The following HMCN1 variants were observed in gnomAD, a reference collection of about 807,000 sequenced individuals.
HMCN1 encodes hemicentin 1, also known as hemicentin-1.
In HMCN1, 321 loss-of-function variants were observed where a neutral mutation model predicts 625.9. The ratio of observed to expected loss-of-function variants is 0.51; its 90% CI spans 0.47 to 0.56. HMCN1 has a LOEUF of 0.56. Among genes scored for constraint, HMCN1 ranks in the 20% least tolerant of loss-of-function variants. The pLI is 0.00. For missense variants in HMCN1, 6,588 were observed against 6,887.3 expected (o/e 0.96, Z 1.54); for synonymous variants, 2,425 against 2,417.6 (o/e 1.00, Z -0.09).
At chr1:185,825,265 T>C (rs1660445259) in intron 1 of HMCN1, among the ~76,000 whole-genome samples, 1 of 152,144 alleles carries the variant, frequency 6.6e-6, no homozygotes, top group African/African-American at 2.4e-5. Context: ...ACTAATAATG[T>C]AGAAGTAGTA....
intron 1 of HMCN1, among the ~76,000 whole-genome samples, chr1:185,829,650 G>A (rs1470533338): frequency 6.6e-6 from 1 of 152,080 alleles, no homozygotes. Context: ...TCTTTATCCA[G>A]TCTATCATTG....
chr1:186,172,149 T>G lies in HMCN1; in HGVS notation c.15814+18T>G. 2 of 1,613,354 alleles carry G rather than the reference T, an allele frequency of 1.2e-6. No individual in the cohort carries two copies. Among genetic ancestry groups the G allele is most frequent in the Non-Finnish European group, 1.7e-6 (2 of 1,179,416 alleles). ...CTGTATTGGTGAGTGTCTGGCTGTT[T>G]CCGTGACTGAGATCAGTTTGCCGTC... On this transcript the variant is annotated intron_variant, in intron 102 of 106. Transcript: ENST00000271588.
At chr1:185,801,815 G>C (rs548177692) in intron 1 of HMCN1, among the ~76,000 whole-genome samples, 1 of 152,164 alleles carries the variant, frequency 6.6e-6, no homozygotes, top group East Asian at 1.9e-4. Flanking sequence ...GGCTGGAGGC[G>C]TAGGTAGAAA....
chr1:185,776,178 C>T (rs1352203135), intron 1 of HMCN1, among the ~76,000 whole-genome samples: 3 of 151,786 alleles, frequency 2.0e-5, no homozygotes, highest in African/African-American at 7.3e-5. Context: ...TTATTATTTT[C>T]ATATTTGAAT....
intron 4 of HMCN1, among the ~76,000 whole-genome samples, chr1:185,870,199 T>C (rs553811222): frequency 1.3e-5 from 2 of 152,332 alleles, no homozygotes; most frequent in South Asian, 4.1e-4. Context: ...CTCTCAAGGA[T>C]GTCCTTAATT....
rs568000080 is a variant in HMCN1, at chr1:186,115,316, T to A, written c.11463T>A (p.Thr3821=). ...TNMTVIVNVQ[T]TLACEATGIP... is the part of the protein sequence containing the mutation. ...TGACTGTAATAGTAAATGTTCAAAC[T>A]ACTCTGGCTTGTGAGGCTACTGGGA... The change falls in exon 75 of 107, where the codon ACT becomes ACA. Residue 3821 remains threonine (T), a synonymous_variant. Coordinates refer to ENST00000271588, the MANE Select transcript of HMCN1 (RefSeq NM_031935.3). 14 of 1,613,938 alleles carry A rather than the reference T, an allele frequency of 8.7e-6. No homozygotes were observed. The highest frequency in any genetic ancestry group is 1.2e-5 in the Non-Finnish European group (14 of 1,179,956).
At chr1:185,909,204 A>G (rs1666272695) in intron 4 of HMCN1, 133 bp from the exon 5 acceptor site, 9 of 687,840 alleles carry the variant, frequency 1.3e-5, no homozygotes, top group Non-Finnish European at 2.3e-5. Context: ...ATCTTCAGTA[A>G]TGACCGAAAT....
intron 86 of HMCN1, among the ~76,000 whole-genome samples, chr1:186,136,016 GA>G (rs1331689899): frequency 6.6e-6 from 1 of 152,010 alleles, no homozygotes; most frequent in Admixed American, 6.6e-5. Context: ...AGTGGTAAAA[GA>G]ATGAGTTAAT....
intron 1 of HMCN1, among the ~76,000 whole-genome samples, chr1:185,773,248 A>G (rs2102151405): frequency 6.6e-6 from 1 of 152,312 alleles, no homozygotes; most frequent in East Asian, 1.9e-4. Flanking sequence ...CATACTGCTA[A>G]AAATACTGCA....
At chr1:185,972,259 G>A (rs1450673494) in intron 15 of HMCN1, among the ~76,000 whole-genome samples, 1 of 152,128 alleles carries the variant, frequency 6.6e-6, no homozygotes, top group Non-Finnish European at 1.5e-5. Context: ...AAAGTTTGTA[G>A]AAATCCTAAG....
intron 85 of HMCN1, among the ~76,000 whole-genome samples, chr1:186,130,993 C>T (rs1392859663): frequency 2.6e-5 from 4 of 152,106 alleles, no homozygotes; most frequent in African/African-American, 9.7e-5. Context: ...ATTACAAACA[C>T]AGTTACATAT....
At chr1:185,751,178 T>C (rs1654790331) in intron 1 of HMCN1, among the ~76,000 whole-genome samples, 1 of 152,178 alleles carries the variant, frequency 6.6e-6, no homozygotes, top group Non-Finnish European at 1.5e-5. Context: ...ATGCATTCTT[T>C]ACATTCTCTA....
intron 86 of HMCN1, among the ~76,000 whole-genome samples, chr1:186,132,613 G>T (rs770904709): frequency 6.6e-6 from 1 of 151,262 alleles, no homozygotes; most frequent in Non-Finnish European, 1.5e-5. Context: ...TTTATCTAAC[G>T]TATATAGTAT....
In HMCN1 at chr1:186,152,738, T is replaced by TG; in HGVS notation, c.14897-11dup. 1 of 1,613,652 alleles carries TG rather than the reference T, an allele frequency of 6.2e-7. No individual in the cohort carries two copies. The highest frequency in any genetic ancestry group is 8.5e-7 in the Non-Finnish European group (1 of 1,179,594). Reference sequence around the variant, plus strand: ...TTTTTTGCTGTCAAAATGAATGTCTTGTAATTCCCAGGAGAAATCTTGCAG... The same window carrying TG: ...TTTTTTGCTGTCAAAATGAATGTCTTGGTAATTCCCAGGAGAAATCTTGCAG... On this transcript the variant is annotated splice_polypyrimidine_tract_variant and intron_variant, in intron 95 of 106. Coordinates refer to ENST00000271588, the MANE Select transcript of HMCN1 (RefSeq NM_031935.3).
intron 53 of HMCN1, among the ~76,000 whole-genome samples, chr1:186,076,132 C>T (rs547087855): frequency 6.6e-6 from 1 of 152,154 alleles, no homozygotes; most frequent in South Asian, 2.1e-4. Context: ...AGCAATGCTC[C>T]TTCCTGAGAG....
chr1:186,180,666 G>C (rs1280491010), intron 104 of HMCN1, among the ~76,000 whole-genome samples: 1 of 152,132 alleles, frequency 6.6e-6, no homozygotes, highest in Admixed American at 6.6e-5. Context: ...GTCTTCCTCA[G>C]ACAGTCATCT....
intron 76 of HMCN1, 144 bp downstream of exon 76, chr1:186,117,259 G>A (rs1661178329): frequency 3.4e-6 from 4 of 1,187,320 alleles, no homozygotes; most frequent in Non-Finnish European, 3.6e-6. Flanking sequence ...CGTTATATGG[G>A]TAAACTAGTG....
intron 18 of HMCN1, 30 bp downstream of exon 18, chr1:185,982,419 A>G (rs1292772611): frequency 6.3e-7 from 1 of 1,582,816 alleles, no homozygotes; most frequent in South Asian, 1.1e-5. Flanking sequence ...ATGCATTCAC[A>G]TTCTTTTGTG....
At chr1:185,888,795 C>CT (rs1312353853) in intron 4 of HMCN1, among the ~76,000 whole-genome samples, 3 of 144,508 alleles carry the variant, frequency 2.1e-5, no homozygotes, top group African/African-American at 8.4e-5. Flanking sequence ...GATGCGGGCT[C>CT]TTTTTTGGTT....
Sources: allele counts gnomAD v4.1 joint callset (sites outside exome capture counted in the v4.1 genomes callset), GRCh38; gene constraint gnomAD v4.1.1; transcripts MANE v1.5; gene names NCBI Gene and HGNC (gene_info 2026-07-23, HGNC 2026-07-21).